TTC7A: variants seen among roughly 807,000 people sequenced by gnomAD.
The protein encoded by TTC7A is tetratricopeptide repeat domain 7A, also known as tetratricopeptide repeat protein 7A.
In TTC7A, 110 loss-of-function variants were observed where a neutral mutation model predicts 103.7. That is an observed-to-expected ratio of 1.06 (90% CI 0.91 to 1.24). The LOEUF (loss-of-function observed/expected upper bound fraction) is 1.24. Ranked by LOEUF, TTC7A falls within the 50% of genes most tolerant of loss-of-function variation. The probability of loss-of-function intolerance (pLI) is 0.00; values close to 1 mark genes in which losing one functional copy is unlikely to be tolerated. For synonymous variants in TTC7A, 521 were observed against 467.9 expected, an observed-to-expected ratio of 1.11 and a Z score of -1.47; for missense variants, 1,340 against 1,116.3, an observed-to-expected ratio of 1.20 and a Z score of -2.86.
chr2:46,993,470 G>A lies in TTC7A; in HGVS notation c.785G>A (p.Arg262Lys). 6.2e-7 allele frequency: 1 copy of A among 1,614,232 alleles called. No homozygotes were observed. Among genetic ancestry groups the A allele is most frequent in the Non-Finnish European group, 8.5e-7 (1 of 1,180,038 alleles). ...LKKGNIVKGM[R>K]ELREVLRTVE... The stretch of plus-strand genomic sequence containing the variant: ...ACCAGGAACATCGTGAAGGGCATGA[G>A]AGAGCTCCGGGAGGTGCTGCGGACT... The change falls in exon 6 of 20, where the codon AGA becomes AAA. Residue 262 changes from arginine to lysine, a missense_variant. Transcript: ENST00000319190.
At chr2:46,917,165 T>G (rs1668848025) in intron 1 of TTC7A, 1 of 700,908 alleles carries the variant, frequency 1.4e-6, no homozygotes, top group Admixed American at 2.0e-5. Flanking sequence ...ATCCCTAATT[T>G]TTTTTTCTTT....
At chr2:47,013,260 A>G (rs1678270918) in intron 11 of TTC7A, among the ~76,000 whole-genome samples, 1 of 152,182 alleles carries the variant, frequency 6.6e-6, no homozygotes, top group Non-Finnish European at 1.5e-5. Flanking sequence ...CATGAGTATC[A>G]GGGAACCCTT....
chr2:46,989,846 G>C (rs1170966774), intron 5 of TTC7A, among the ~76,000 whole-genome samples: 1 of 144,396 alleles, frequency 6.9e-6, no homozygotes, highest in Non-Finnish European at 1.5e-5. Context: ...GTGTGCATCT[G>C]TGTGTGTGTG....
intron 2 of TTC7A, among the ~76,000 whole-genome samples, chr2:46,929,756 T>C (rs1033433728): frequency 2.6e-5 from 4 of 152,238 alleles, no homozygotes; most frequent in African/African-American, 9.6e-5. Context: ...TATATTATTA[T>C]TCACAAAGAT....
intron 13 of TTC7A, 62 bp from the exon 14 acceptor site, chr2:47,024,225 C>G (rs375392325): frequency 5.6e-5 from 80 of 1,440,404 alleles, no homozygotes; most frequent in Non-Finnish European, 6.2e-5. Context: ...GCTGGAGGCC[C>G]GAGTCACACG....
At chr2:46,969,607 G>A (rs984072894) in intron 3 of TTC7A, among the ~76,000 whole-genome samples, 9 of 152,166 alleles carry the variant, frequency 5.9e-5, no homozygotes, top group Middle Eastern at 3.4e-3. Flanking sequence ...GTAGAGACGG[G>A]GTTTCACCAT....
At chr2:47,023,684 T>G (rs1679546291) in intron 13 of TTC7A, among the ~76,000 whole-genome samples, 1 of 152,122 alleles carries the variant, frequency 6.6e-6, no homozygotes, top group Admixed American at 6.5e-5. Context: ...GCCACAAGTC[T>G]CGGTTCCTGC....
At chr2:47,006,134 G>T in intron 9 of TTC7A, 75 bp downstream of exon 9, 1 of 1,565,832 alleles carries the variant, frequency 6.4e-7, no homozygotes. Flanking sequence ...AGAGCCATTT[G>T]TCCCTTCTCC....
intron 8 of TTC7A, among the ~76,000 whole-genome samples, chr2:46,998,540 C>T (rs1676461860): frequency 6.6e-6 from 1 of 152,210 alleles, no homozygotes; most frequent in African/African-American, 2.4e-5. Flanking sequence ...TTGATGTTGG[C>T]TGGGTTTGGC....
chr2:47,003,970 G>A (rs1306446314), intron 8 of TTC7A, among the ~76,000 whole-genome samples: 2 of 152,188 alleles, frequency 1.3e-5, no homozygotes, highest in African/African-American at 4.8e-5. Context: ...CCTCTCCCTA[G>A]AATTTCTTCT....
chr2:47,050,046 G>C lies in TTC7A; in HGVS notation c.2017G>C (p.Gly673Arg), dbSNP rs1317244338. 1 of 1,613,050 alleles carries C rather than the reference G, an allele frequency of 6.2e-7. No homozygotes were observed. Among genetic ancestry groups the C allele is most frequent in the Admixed American group, 1.7e-5 (1 of 60,026 alleles). ...GCCTGATGCCCATGATGCAGACTCT[G>C]GTAAGAACGAGCTCCTTGGGCCACT... is the stretch of plus-strand genomic sequence containing the variant. ...TLPDAHDADS[G>R]SRRASSIAAS... Residue 673 changes from glycine to arginine, a missense_variant and splice_region_variant, in exon 17 of 20, where the codon GGC becomes CGC. Transcript: ENST00000319190.
At chr2:46,961,430 A>T (rs557152292) in intron 3 of TTC7A, among the ~76,000 whole-genome samples, 16 of 152,160 alleles carry the variant, frequency 1.1e-4, no homozygotes, top group African/African-American at 3.6e-4. Context: ...ACAAAAAATT[A>T]GCTGGGTCTG....
chr2:46,922,194 C>T (rs1669140519), intron 2 of TTC7A, among the ~76,000 whole-genome samples: 1 of 152,002 alleles, frequency 6.6e-6, no homozygotes, highest in Admixed American at 6.5e-5. Flanking sequence ...AGATTTTAAC[C>T]GTGGAGTATT....
chr2:47,032,608 T>A (rs1438976645), intron 15 of TTC7A, among the ~76,000 whole-genome samples: 1 of 151,864 alleles, frequency 6.6e-6, no homozygotes, highest in African/African-American at 2.4e-5. Flanking sequence ...TGCGAAGCAT[T>A]TGGGGATCTG....
chr2:47,057,956 C>G (rs1269880098), intron 18 of TTC7A, among the ~76,000 whole-genome samples: 1 of 152,204 alleles, frequency 6.6e-6, no homozygotes, highest in Non-Finnish European at 1.5e-5. Context: ...TGTCCCCACT[C>G]TTTCTCCTCC....
At chr2:47,071,628 G>GT (rs1684725737) in intron 19 of TTC7A, among the ~76,000 whole-genome samples, 1 of 152,194 alleles carries the variant, frequency 6.6e-6, no homozygotes, top group Non-Finnish European at 1.5e-5. Context: ...GCACTTGTCA[G>GT]TGGCAGAGCT....
intron 15 of TTC7A, among the ~76,000 whole-genome samples, chr2:47,044,307 G>A (rs185631519): frequency 2.6e-5 from 4 of 152,280 alleles, no homozygotes; most frequent in South Asian, 2.1e-4. Flanking sequence ...CATTTATAGC[G>A]CTCTAATTGT....
At chr2:47,000,155 T>C (rs1676647434) in intron 8 of TTC7A, among the ~76,000 whole-genome samples, 1 of 152,310 alleles carries the variant, frequency 6.6e-6, no homozygotes, top group East Asian at 1.9e-4. Context: ...CTGATAAATT[T>C]CCTCATTCTG....
chr2:46,951,561 CTCTT>C (rs1053412299), intron 2 of TTC7A: 5 of 448,150 alleles, frequency 1.1e-5, no homozygotes, highest in South Asian at 3.1e-5. Flanking sequence ...CTCTGTCTCT[CTCTT>C]TCTTTCTGTC....
Sources: allele counts gnomAD v4.1 joint callset (sites outside exome capture counted in the v4.1 genomes callset), GRCh38; gene constraint gnomAD v4.1.1; transcripts MANE v1.5; gene names NCBI Gene and HGNC (gene_info 2026-07-23, HGNC 2026-07-21).